Variants in SCOC observed in about 807,000 individuals in gnomAD.
SCOC encodes the protein short coiled-coil protein, also known as short coiled coil protein.
A neutral mutation model predicts 9.9 loss-of-function variants in SCOC; 7 were observed. The observed-to-expected ratio is 0.71, with a 90% CI of 0.40 to 1.33. The LOEUF (loss-of-function observed/expected upper bound fraction) is 1.33, where lower values mean the gene tolerates loss of function less well. SCOC is among the 40% of genes most tolerant of loss of function. The probability of loss-of-function intolerance (pLI) is 0.01; values close to 1 mark genes in which losing one functional copy is unlikely to be tolerated. For missense variants in SCOC, 66 were observed against 89.7 expected (o/e 0.74, Z 1.07); for synonymous variants, 19 against 28.2 (o/e 0.67, Z 1.03).
intron 2 of SCOC, among the ~76,000 whole-genome samples, chr4:140,354,010 TA>T (rs1385285808): frequency 1.3e-5 from 2 of 152,274 alleles, no homozygotes; most frequent in African/African-American, 2.4e-5. Flanking sequence ...GTGACGTTAG[TA>T]AAAGTTGTTT....
intron 2 of SCOC, among the ~76,000 whole-genome samples, chr4:140,362,036 G>A (rs935509963): frequency 6.9e-6 from 1 of 145,028 alleles, no homozygotes; most frequent in African/African-American, 2.6e-5. Flanking sequence ...AGCCTTTAGA[G>A]CAGACACTGA....
chr4:140,312,089 A>G (rs1732174902), intron 1 of SCOC, among the ~76,000 whole-genome samples: 4 of 152,180 alleles, frequency 2.6e-5, no homozygotes, highest in Admixed American at 1.3e-4. Context: ...TACGACTTCT[A>G]TTGCTTTCTC....
chr4:140,353,510 A>C (rs547915182), intron 2 of SCOC, among the ~76,000 whole-genome samples: 84 of 151,278 alleles, frequency 5.6e-4, no homozygotes, highest in African/African-American at 2.0e-3. Context: ...TCCCGCGTTC[A>C]AGCGATTCTC....
intron 1 of SCOC, among the ~76,000 whole-genome samples, chr4:140,317,944 C>T (rs1396679888): frequency 8.4e-5 from 12 of 142,540 alleles, no homozygotes; most frequent in East Asian, 2.1e-4. Flanking sequence ...TGAGAATATG[C>T]GGTGTTTGGT....
chr4:140,364,412 T>C (rs1727698090), intron 2 of SCOC, among the ~76,000 whole-genome samples: 1 of 152,042 alleles, frequency 6.6e-6, no homozygotes, highest in Admixed American at 6.5e-5. Context: ...AAGAAAATCA[T>C]TGAGGAGACA....
chr4:140,316,175 G>A (rs967314675), intron 1 of SCOC, among the ~76,000 whole-genome samples: 1 of 152,184 alleles, frequency 6.6e-6, no homozygotes, highest in African/African-American at 2.4e-5. Flanking sequence ...ATGTGAATGG[G>A]AGGATAGTGG....
At chr4:140,283,118 T>C (rs541448607) in intron 1 of SCOC, among the ~76,000 whole-genome samples, 1 of 152,348 alleles carries the variant, frequency 6.6e-6, no homozygotes, top group African/African-American at 2.4e-5. Context: ...TGTAAGCATG[T>C]CCATCTTATT....
chr4:140,306,568 A>G (rs1320227382), intron 1 of SCOC, among the ~76,000 whole-genome samples: 1 of 151,950 alleles, frequency 6.6e-6, no homozygotes, highest in Non-Finnish European at 1.5e-5. Flanking sequence ...TATCAAGGAG[A>G]TGTGCCTGGA....
chr4:140,362,986 C>T (rs1276030203), intron 2 of SCOC, among the ~76,000 whole-genome samples: 1 of 152,184 alleles, frequency 6.6e-6, no homozygotes, highest in African/African-American at 2.4e-5. Flanking sequence ...GGTATGTTTT[C>T]AGAGAGCAAC....
intron 1 of SCOC, among the ~76,000 whole-genome samples, chr4:140,311,959 T>C (rs909201245): frequency 5.3e-5 from 8 of 152,226 alleles, no homozygotes. Context: ...TGGGAAAGTA[T>C]GCCGTACTTT....
At chr4:140,365,297 A>C (rs1727743292) in intron 2 of SCOC, among the ~76,000 whole-genome samples, 1 of 152,232 alleles carries the variant, frequency 6.6e-6, no homozygotes, top group Non-Finnish European at 1.5e-5. Flanking sequence ...GGTGCTTTCA[A>C]ACCAGTGCCA....
At chr4:140,280,264 C>T (rs1578765057) in intron 1 of SCOC, among the ~76,000 whole-genome samples, 2 of 152,048 alleles carry the variant, frequency 1.3e-5, no homozygotes, top group African/African-American at 4.8e-5. Flanking sequence ...TACAGGCATG[C>T]GCTAGCATGC....
At chr4:140,343,239 C>T (rs923529346), upstream of SCOC, among the ~76,000 whole-genome samples, 4 of 152,122 alleles carry the variant, frequency 2.6e-5, no homozygotes, top group African/African-American at 4.8e-5. Context: ...AGAAGTTTAC[C>T]GTGGGTATCT....
chr4:140,300,881 A>G (rs942515342), intron 1 of SCOC, among the ~76,000 whole-genome samples: 2 of 152,216 alleles, frequency 1.3e-5, no homozygotes, highest in African/African-American at 4.8e-5. Flanking sequence ...TTCTTCTGCA[A>G]TGAGTCTCAG....
intron 1 of SCOC, among the ~76,000 whole-genome samples, chr4:140,310,083 C>G (rs574956225): frequency 6.6e-6 from 1 of 152,256 alleles, no homozygotes; most frequent in East Asian, 1.9e-4. Context: ...AGGAACTGAG[C>G]CACTGAAACA....
chr4:140,327,537 T>C (rs955770551), intron 1 of SCOC, among the ~76,000 whole-genome samples: 2 of 152,210 alleles, frequency 1.3e-5, no homozygotes, highest in Non-Finnish European at 2.9e-5. Flanking sequence ...TAGTGGCACA[T>C]GGCTGTAGTC....
At chr4:140,330,477 C>T (rs2126494009) in intron 1 of SCOC, among the ~76,000 whole-genome samples, 1 of 152,240 alleles carries the variant, frequency 6.6e-6, no homozygotes, top group African/African-American at 2.4e-5. Context: ...TTAAAGAGCA[C>T]TTAAAATTAA....
intron 2 of SCOC, among the ~76,000 whole-genome samples, chr4:140,362,314 T>TCTTCTTCTTCTTCTTCCTC (rs1727596376): frequency 1.0e-4 from 1 of 9,736 alleles, no homozygotes; most frequent in Non-Finnish European, 2.4e-4. Context: ...TTTTTTTTTT[T>TCTTCTTCTTCTTCTTCCTC]TGTGAGAGTC....
chr4:140,284,281 T>C (rs575144804), intron 1 of SCOC: 1 of 152,178 alleles, frequency 6.6e-6, no homozygotes, highest in South Asian at 2.1e-4. Flanking sequence ...TTAATTTGCT[T>C]TGTCAAGAGG....
Sources: allele counts gnomAD v4.1 joint callset (sites outside exome capture counted in the v4.1 genomes callset), GRCh38; gene constraint gnomAD v4.1.1; transcripts MANE v1.5; gene names NCBI Gene and HGNC (gene_info 2026-07-23, HGNC 2026-07-21).